JAK2: variants seen among roughly 807,000 people sequenced by gnomAD.
The protein encoded by JAK2 is tyrosine-protein kinase JAK2.
A neutral mutation model predicts 139.3 loss-of-function variants in JAK2; 86 were observed. The observed-to-expected ratio is 0.62, with a 90% confidence interval of 0.52 to 0.74. The LOEUF (loss-of-function observed/expected upper bound fraction) is 0.74, where lower values mean the gene tolerates loss of function less well. JAK2 is among the 30% of genes least tolerant of loss of function. The pLI is 0.00. For missense variants in JAK2, 1,421 were observed against 1,360.3 expected (o/e 1.04, Z -0.70); for synonymous variants, 490 against 437.7 (o/e 1.12, Z -1.49).
upstream of JAK2, chr9:4,984,403 C>A (rs2129648667): frequency 6.6e-6 from 1 of 152,410 alleles, no homozygotes; most frequent in East Asian, 1.9e-4. Flanking sequence ...CTCTCCCGGG[C>A]TACACCAGGC....
chr9:5,065,122 T>G, intron 9 of JAK2, 82 bp downstream of exon 9: 2 of 843,880 alleles, frequency 2.4e-6, no homozygotes, highest in Non-Finnish European at 3.3e-6. Context: ...GTGATACATG[T>G]ATGTTTAGAA....
chr9:5,071,974 T>C (rs1379174714), intron 12 of JAK2, among the ~76,000 whole-genome samples: 1 of 152,236 alleles, frequency 6.6e-6, no homozygotes, highest in South Asian at 2.1e-4. Context: ...AGTGCTTTTA[T>C]GTATTTATTC....
chr9:5,089,551 A>G, intron 19 of JAK2, 123 bp from the exon 20 acceptor site: 1 of 347,176 alleles, frequency 2.9e-6, no homozygotes, highest in Non-Finnish European at 4.9e-6. Context: ...AAAAAAAAAA[A>G]AAAAAAAAAA....
chr9:5,043,610 A>G (rs1816776476), intron 4 of JAK2, among the ~76,000 whole-genome samples: 1 of 152,276 alleles, frequency 6.6e-6, no homozygotes, highest in Non-Finnish European at 1.5e-5. Context: ...TATATGCAAT[A>G]GAAATGAAAA....
chr9:5,105,221 C>CA (rs1393926041), intron 22 of JAK2, among the ~76,000 whole-genome samples: 1 of 152,188 alleles, frequency 6.6e-6, no homozygotes, highest in Non-Finnish European at 1.5e-5. Context: ...TCTCAGGATA[C>CA]AAAATCAATG....
chr9:5,120,267 G>A (rs1213766183), intron 22 of JAK2, among the ~76,000 whole-genome samples: 1 of 152,180 alleles, frequency 6.6e-6, no homozygotes, highest in African/African-American at 2.4e-5. Context: ...TATTCATGAG[G>A]GAGAAGCCCT....
At chr9:5,097,390 C>T (rs1394327093) in intron 22 of JAK2, 1 of 152,242 alleles carries the variant, frequency 6.6e-6, no homozygotes, top group East Asian at 1.9e-4. Context: ...AGTTTATATC[C>T]TTATTCTATC....
chr9:5,123,922 C>T (rs1015050732), intron 23 of JAK2, among the ~76,000 whole-genome samples: 2 of 150,018 alleles, frequency 1.3e-5, no homozygotes, highest in African/African-American at 4.9e-5. Context: ...TGGAATAAGG[C>T]ATATCTCATT....
chr9:5,029,270 G>C (rs1822983554), intron 3 of JAK2, among the ~76,000 whole-genome samples: 1 of 152,154 alleles, frequency 6.6e-6, no homozygotes, highest in African/African-American at 2.4e-5. Context: ...TGTTGCTGGA[G>C]CGGTCAGAAC....
Position 5,077,519 on chromosome 9 carries a change from G to T in JAK2, c.1931G>T (p.Cys644Phe). ...ACATATCTGAAAAAGAATAAAAATT[G>T]TATAAATATATTATGGAAACTTGAA... ...LDTYLKKNKN[C>F]INILWKLEVA... is the part of the protein sequence containing the mutation. The change falls in exon 15 of 25, where the codon TGT (cysteine) becomes TTT (phenylalanine). Residue 644 changes from cysteine to phenylalanine, a missense_variant. Physicochemically the swap from Cys to Phe is radical, Grantham distance 205 (BLOSUM62 -2). Transcript: ENST00000381652. The T allele has an allele frequency of 2.7e-6, 4 of 1,469,940 alleles. No individual in the cohort carries two copies. Among genetic ancestry groups the T allele is most frequent in the Non-Finnish European group, 2.7e-6 (3 of 1,099,750 alleles). 91.1% of individuals were successfully genotyped at this position (1,469,940 alleles called of 1,614,324 possible). A position where few individuals can be genotyped will look rare whatever the true frequency, so the allele number is the denominator to read the frequency against.
intron 10 of JAK2, 34 bp from the exon 11 acceptor site, chr9:5,068,988 A>G (rs371002094): frequency 4.8e-6 from 6 of 1,241,508 alleles, no homozygotes; most frequent in African/African-American, 4.6e-5. Context: ...CATTGTGACT[A>G]TCCCTCCCTT....
intron 14 of JAK2, among the ~76,000 whole-genome samples, chr9:5,077,049 A>C (rs1819353865): frequency 3.3e-5 from 5 of 152,008 alleles, no homozygotes; most frequent in Admixed American, 1.3e-4. Flanking sequence ...TGTCTATAGT[A>C]CTATAGACAA....
intron 22 of JAK2, among the ~76,000 whole-genome samples, chr9:5,093,331 G>T (rs1820729909): frequency 6.6e-6 from 1 of 152,108 alleles, no homozygotes; most frequent in Non-Finnish European, 1.5e-5. Flanking sequence ...GGCACTGCCT[G>T]CCCAGTGACA....
At chr9:5,124,221 T>C (rs1369809186) in intron 23 of JAK2, among the ~76,000 whole-genome samples, 1 of 151,832 alleles carries the variant, frequency 6.6e-6, no homozygotes, top group Non-Finnish European at 1.5e-5. Context: ...TAATAAAGTC[T>C]CATTTGTCTA....
chr9:5,069,939 CTA>C lies in JAK2; in HGVS notation c.1529_1530del (p.Leu510ArgfsTer9). 1 of 1,598,914 alleles carries C rather than the reference CTA, an allele frequency of 6.3e-7. No homozygotes were observed. The highest frequency in any genetic ancestry group is 2.2e-5 in the East Asian group (1 of 44,540). ...TATTTTTTCAGATAAATCAAACCTTCTAGTCTTCAGAACGAATGGTGTTTCTG... is the reference window on the plus strand; with the variant it reads ...TATTTTTTCAGATAAATCAAACCTTCGTCTTCAGAACGAATGGTGTTTCTG... ...PPKPKDKSNL[L>X]VFRTNGVSDV... On this transcript the variant is annotated frameshift_variant, in exon 12 of 25. Transcript: ENST00000381652. LOFTEE classifies it high-confidence loss of function.
At chr9:5,078,234 G>A (rs2130588391) in intron 15 of JAK2, 72 bp from the exon 16 acceptor site, 1 of 1,227,758 alleles carries the variant, frequency 8.1e-7, no homozygotes, top group Non-Finnish European at 1.1e-6. Flanking sequence ...TCTGTTTTGG[G>A]GGCTTGAACA....
At chr9:4,999,083 C>T (rs898538307) in intron 2 of JAK2, among the ~76,000 whole-genome samples, 2 of 152,136 alleles carry the variant, frequency 1.3e-5, no homozygotes, top group Non-Finnish European at 1.5e-5. Context: ...CCTCGGCCTC[C>T]CAAAGTGCTG....
rs989983120 is a variant in JAK2, at chr9:5,050,858, C to T, written c.614+27C>T. 6.3e-6 allele frequency: 10 copies of T among 1,582,222 alleles called. No homozygotes were observed. The African/African-American group carries it at 9.5e-5, about 15-fold the overall frequency. On this transcript the variant is annotated intron_variant, in intron 6 of 24. Coordinates refer to ENST00000381652, the MANE Select transcript of JAK2 (RefSeq NM_004972.4). ...TAATTTTCTTTTGCAAATCCTTACA[C>T]ATAAGTGTGAGTAGAGATTTTATAT...
At chr9:5,108,955 A>C (rs1252517413) in intron 22 of JAK2, 1 of 152,110 alleles carries the variant, frequency 6.6e-6, no homozygotes. Flanking sequence ...TACTTACCTG[A>C]GGCCTTCAAA....
Sources: gnomAD v4.1 joint callset for allele counts (sites outside exome capture counted in the v4.1 genomes callset) on GRCh38, gnomAD v4.1.1 for gene constraint, MANE v1.5 for transcripts, NCBI Gene and HGNC (gene_info 2026-07-23, HGNC 2026-07-21) for gene names.